The following LARP4B variants were observed in gnomAD, a reference collection of about 807,000 sequenced individuals.
LARP4B encodes the protein La ribonucleoprotein 4B.
Under a neutral mutation model 89.8 loss-of-function variants are expected in LARP4B, and 12 were observed. The observed-to-expected ratio is 0.13, with a 90% CI of 0.09 to 0.22. The LOEUF (loss-of-function observed/expected upper bound fraction) is 0.22. LARP4B is among the 10% of genes least tolerant of loss of function. The pLI, the probability that LARP4B is intolerant of heterozygous loss-of-function variation, is 1.00. For missense variants in LARP4B, 757 were observed against 947.7 expected (o/e 0.80, Z 2.64); for synonymous variants, 367 against 363.3 (o/e 1.01, Z -0.12).
At chr10:813,354 T>C in intron 17 of LARP4B, 141 bp from the exon 18 acceptor site, 1 of 823,212 alleles carries the variant, frequency 1.2e-6, no homozygotes, top group South Asian at 2.0e-5. Flanking sequence ...TTTTAAAAAG[T>C]TCATAAAATC....
chr10:976,461 A>G, the LARP4B span, among the ~76,000 whole-genome samples: 2 of 149,648 alleles, frequency 1.3e-5, no homozygotes, highest in Non-Finnish European at 1.5e-5. Context: ...GGCCTAGTAG[A>G]AGGTAGGCCT....
intron 8 of LARP4B, among the ~76,000 whole-genome samples, chr10:831,297 T>TTTTA (rs57239843): frequency 2.7e-5 from 4 of 147,196 alleles, no homozygotes; most frequent in Non-Finnish European, 3.0e-5. Flanking sequence ...TTTTTTTTTT[T>TTTTA]AAAGGCAATT....
intron 7 of LARP4B, among the ~76,000 whole-genome samples, chr10:838,585 A>G (rs1833351475): frequency 6.6e-6 from 1 of 152,224 alleles, no homozygotes; most frequent in Non-Finnish European, 1.5e-5. Context: ...CTGTCAGCAC[A>G]GCAAAAATCA....
rs12249962 is a variant in LARP4B at position 881,528 on chromosome 10, G to A, written c.141+2919C>T. ...CCTCCCATCCCTCTGACCACTCCGC[G>A]TCCTAGATTCCTTCCTGTTTCTGAT... On this transcript the variant is annotated intron_variant, in intron 3 of 17. Coordinates refer to ENST00000316157, the MANE Select transcript of LARP4B (RefSeq NM_015155.3). Among the ~76,000 whole-genome samples, 274 of 152,154 alleles carry A rather than the reference G, an allele frequency of 1.8e-3. 1 individual carries two copies. The highest frequency in any genetic ancestry group is 6.4e-3 in the African/African-American group (265 of 41,508).
the LARP4B span, among the ~76,000 whole-genome samples, chr10:962,899 C>G: frequency 6.6e-6 from 1 of 152,110 alleles, no homozygotes; most frequent in African/African-American, 2.4e-5. Flanking sequence ...AGGAGACCAC[C>G]TGAACTCCAG....
Position 856,046 on chromosome 10 carries a change from C to T in LARP4B, c.430+7697G>A, listed in dbSNP as rs1316847401. Among the ~76,000 whole-genome samples, 3 of 152,312 alleles carry T rather than the reference C, an allele frequency of 2.0e-5. No homozygotes were observed. In the East Asian group the frequency reaches 5.8e-4, roughly 29 times the overall value. The stretch of plus-strand genomic sequence containing the variant: ...ATGAAAATAACTTTGATCCATATTT[C>T]ATACCTTATACAAAAACTAACCTAA... On this transcript the variant is annotated intron_variant, in intron 5 of 17. Transcript: ENST00000316157.
intron 1 of LARP4B, among the ~76,000 whole-genome samples, chr10:925,774 T>A (rs1837119148): frequency 6.6e-6 from 1 of 152,180 alleles, no homozygotes; most frequent in Non-Finnish European, 1.5e-5. Context: ...CCTCAGGTGA[T>A]CCACCCGCCT....
the LARP4B span, among the ~76,000 whole-genome samples, chr10:963,857 G>A: frequency 6.6e-6 from 1 of 152,214 alleles, no homozygotes; most frequent in Non-Finnish European, 1.5e-5. Flanking sequence ...CCCTTCGTGA[G>A]GGTGGAGCCC....
intron 5 of LARP4B, among the ~76,000 whole-genome samples, chr10:850,439 G>A (rs1464673612): frequency 6.6e-6 from 1 of 152,144 alleles, no homozygotes; most frequent in Non-Finnish European, 1.5e-5. Flanking sequence ...AAAGAGAGGG[G>A]TCAATGAATC....
intron 11 of LARP4B, among the ~76,000 whole-genome samples, chr10:828,156 C>T (rs374617193): frequency 1.3e-5 from 2 of 152,206 alleles, no homozygotes; most frequent in African/African-American, 4.8e-5. Context: ...TAAGCACCTG[C>T]GCAGTTAGGC....
At chr10:959,046 G>A in the LARP4B span, among the ~76,000 whole-genome samples, 36 of 152,290 alleles carry the variant, frequency 2.4e-4, no homozygotes, top group South Asian at 6.4e-3. Context: ...CACAGGCAAC[G>A]GCCCTGGGCT....
chr10:933,423 G>A (rs553408141), upstream of LARP4B, among the ~76,000 whole-genome samples: 3 of 152,140 alleles, frequency 2.0e-5, no homozygotes, highest in African/African-American at 4.8e-5. Flanking sequence ...ATAATTTTTC[G>A]TACTCAGCGT....
chr10:905,301 T>TA (rs560734229), intron 1 of LARP4B, among the ~76,000 whole-genome samples: 68 of 152,372 alleles, frequency 4.5e-4, no homozygotes, highest in African/African-American at 1.6e-3. Flanking sequence ...TAAGTGGTGA[T>TA]AAAATACACC....
At chr10:926,214 T>C (rs1285884078) in intron 1 of LARP4B, among the ~76,000 whole-genome samples, 1 of 152,232 alleles carries the variant, frequency 6.6e-6, no homozygotes, top group African/African-American at 2.4e-5. Context: ...CTTACATTAA[T>C]TATGTGCTAA....
chr10:837,645 C>T (rs1469973863), intron 7 of LARP4B, among the ~76,000 whole-genome samples: 1 of 152,222 alleles, frequency 6.6e-6, no homozygotes, highest in African/African-American at 2.4e-5. Context: ...GAGACCAACA[C>T]CCACGTGCAC....
intron 1 of LARP4B, among the ~76,000 whole-genome samples, chr10:920,116 A>T (rs888987506): frequency 1.3e-5 from 2 of 152,254 alleles, no homozygotes; most frequent in Non-Finnish European, 2.9e-5. Flanking sequence ...TGCTTTCACC[A>T]ATTTCTTTTG....
intron 1 of LARP4B, among the ~76,000 whole-genome samples, chr10:915,084 T>G (rs1356182477): frequency 6.6e-6 from 1 of 152,186 alleles, no homozygotes. Context: ...GAAAAAATTT[T>G]AAGTGGTTGT....
chr10:979,100 T>G, the LARP4B span, among the ~76,000 whole-genome samples: 1 of 152,218 alleles, frequency 6.6e-6, no homozygotes, highest in South Asian at 2.1e-4. Context: ...ATTCTGTCTA[T>G]GATTTCTTAT....
chr10:968,096 T>C, the LARP4B span, among the ~76,000 whole-genome samples: 1 of 152,206 alleles, frequency 6.6e-6, no homozygotes, highest in Non-Finnish European at 1.5e-5. Context: ...CAGAGGCTTC[T>C]AGAAATGGAT....
Sources: allele counts gnomAD v4.1 joint callset (sites outside exome capture counted in the v4.1 genomes callset), GRCh38; gene constraint gnomAD v4.1.1; transcripts MANE v1.5; gene names NCBI Gene and HGNC (gene_info 2026-07-23, HGNC 2026-07-21).